The following CTSO variants were observed in gnomAD, a reference collection of about 807,000 sequenced individuals.
CTSO encodes the protein cathepsin O.
In CTSO, 40 loss-of-function variants were observed where a neutral mutation model predicts 42.4. That is an observed-to-expected ratio of 0.94 (90% CI 0.73 to 1.23). The LOEUF (loss-of-function observed/expected upper bound fraction) is 1.23, where lower values mean the gene tolerates loss of function less well. Among genes scored for constraint, CTSO ranks in the 50% most tolerant of loss-of-function variants. The probability of loss-of-function intolerance (pLI) is 0.00; values close to 1 mark genes in which losing one functional copy is unlikely to be tolerated. For synonymous variants in CTSO, 156 were observed against 146.2 expected (o/e 1.07, Z -0.48); for missense variants, 441 against 396.0 (o/e 1.11, Z -0.96).
In CTSO at chr4:155,953,851, G is replaced by T. The variant is rs1445196238; in HGVS notation, c.-4C>A. 1 of 1,277,328 alleles carries T rather than the reference G, an allele frequency of 7.8e-7. No homozygotes were observed. The highest frequency in any genetic ancestry group is 2.9e-4 in the Middle Eastern group (1 of 3,452). The allele number at this position is 1,277,328 out of a possible 1,614,324, so 79.1% of individuals were successfully genotyped here. ...ACGGCAGCGCCCGCACGTCCATTGC[G>T]GCGCCCGGCTCCTCTGCCGCCCGCG... On this transcript the variant is annotated 5_prime_UTR_variant, in exon 1 of 8. Coordinates refer to ENST00000433477, the MANE Select transcript of CTSO (RefSeq NM_001334.3).
chr4:155,949,079 GC>G, intron 1 of CTSO, among the ~76,000 whole-genome samples: 1 of 152,336 alleles, frequency 6.6e-6, no homozygotes, highest in East Asian at 1.9e-4. Context: ...GCCACTGAAT[GC>G]ACTAAATACA....
chr4:155,926,514 C>T (rs1373804393), intron 7 of CTSO, among the ~76,000 whole-genome samples: 2 of 152,146 alleles, frequency 1.3e-5, no homozygotes, highest in African/African-American at 2.4e-5. Flanking sequence ...CACACGAGAA[C>T]ACAGATTGCA....
intron 5 of CTSO, among the ~76,000 whole-genome samples, chr4:155,933,401 G>C (rs1170437003): frequency 6.6e-6 from 1 of 152,002 alleles, no homozygotes; most frequent in Non-Finnish European, 1.5e-5. Flanking sequence ...TCCCAGTCTC[G>C]GGTATGTCTT....
intron 5 of CTSO, 44 bp from the exon 6 acceptor site, chr4:155,929,749 G>C (rs1370873653): frequency 1.3e-6 from 2 of 1,555,760 alleles, no homozygotes; most frequent in Non-Finnish European, 1.7e-6. Context: ...TAGTTTTTAA[G>C]GTAAAAATAA....
chr4:155,941,975 C>G (rs559993967), intron 3 of CTSO, among the ~76,000 whole-genome samples: 1 of 152,094 alleles, frequency 6.6e-6, no homozygotes, highest in South Asian at 2.1e-4. Context: ...AGCCTCTCAT[C>G]TGCTATTGTA....
chr4:155,943,511 C>T, intron 1 of CTSO, among the ~76,000 whole-genome samples: 2 of 152,178 alleles, frequency 1.3e-5, no homozygotes, highest in Middle Eastern at 6.8e-3. Context: ...TTCCCCATCA[C>T]CAGGTTTGTT....
In CTSO at chr4:155,924,195, A is replaced by G. The variant is rs1480973827; in HGVS notation, c.*1841T>C. ...AATCCAGAACAGCAGAAACATATTA[A>G]TCAGTTTGAAATTTTAGAAATCCTT... On this transcript the variant is annotated 3_prime_UTR_variant, in exon 8 of 8. Transcript: ENST00000433477. 3 of 152,248 alleles carry G rather than the reference A, an allele frequency of 2.0e-5. No individual in the cohort carries two copies. Among genetic ancestry groups the G allele is most frequent in the Non-Finnish European group, 4.4e-5 (3 of 68,052 alleles). The allele number at this position is 152,248 out of a possible 1,614,324, so 9.4% of individuals were successfully genotyped here.
intron 1 of CTSO, among the ~76,000 whole-genome samples, chr4:155,952,350 A>G (rs1415779817): frequency 6.6e-6 from 1 of 152,110 alleles, no homozygotes; most frequent in Non-Finnish European, 1.5e-5. Flanking sequence ...TAAATTATCT[A>G]AAATCTAAAT....
At chr4:155,953,601 C>G in intron 1 of CTSO, 112 bp downstream of exon 1, 1 of 1,202,296 alleles carries the variant, frequency 8.3e-7, no homozygotes, top group Non-Finnish European at 1.0e-6. Flanking sequence ...CATCGCAGAG[C>G]CACGGGTGCC....
chr4:155,942,936 G>A (rs1227554533), intron 2 of CTSO, among the ~76,000 whole-genome samples: 2 of 152,158 alleles, frequency 1.3e-5, no homozygotes, highest in South Asian at 2.1e-4. Context: ...ACATGGAAAT[G>A]TGCATAATTA....
At chr4:155,944,576 T>C (rs17314589) in intron 1 of CTSO, among the ~76,000 whole-genome samples, 3,946 of 152,254 alleles carry the variant, frequency 0.026, 77 homozygotes, top group South Asian at 0.071. Context: ...ATGTTAAGAA[T>C]GCACAGGAGA....
chr4:155,946,861 A>T (rs34908244), intron 1 of CTSO, among the ~76,000 whole-genome samples: 135,090 of 151,872 alleles, frequency 0.89, 61,613 homozygotes, highest in East Asian at 1. Flanking sequence ...TAATAATAAT[A>T]ATTATTATTA....
chr4:155,950,168 T>C (rs1743621729), intron 1 of CTSO, among the ~76,000 whole-genome samples: 1 of 152,232 alleles, frequency 6.6e-6, no homozygotes, highest in Non-Finnish European at 1.5e-5. Flanking sequence ...CACAAAAAGA[T>C]TGAATTAAAA....
chr4:155,928,522 A>T (rs1219148737), intron 6 of CTSO, 94 bp from the exon 7 acceptor site: 5 of 829,944 alleles, frequency 6.0e-6, no homozygotes, highest in Non-Finnish European at 9.7e-6. Context: ...CTTGCTAAGG[A>T]TAGTAGCTCT....
At chr4:155,932,096 G>A (rs916324519) in intron 5 of CTSO, among the ~76,000 whole-genome samples, 1 of 152,022 alleles carries the variant, frequency 6.6e-6, no homozygotes, top group Non-Finnish European at 1.5e-5. Flanking sequence ...ATTGTAGTTT[G>A]AGTCCTGAAA....
At chr4:155,933,962 C>A (rs1005660357) in intron 5 of CTSO, among the ~76,000 whole-genome samples, 3 of 152,186 alleles carry the variant, frequency 2.0e-5, no homozygotes, top group Non-Finnish European at 2.9e-5. Context: ...GACATTGAAG[C>A]CAGCTGCAGA....
chr4:155,953,529 A>G (rs7670813), intron 1 of CTSO, among the ~76,000 whole-genome samples, 184 bp downstream of exon 1: 24,206 of 152,262 alleles, frequency 0.16, 2,521 homozygotes, highest in Non-Finnish European at 0.24. Flanking sequence ...GAGTGACACC[A>G]TGGCACAAGG....
chr4:155,944,283 T>G (rs146146430), intron 1 of CTSO, among the ~76,000 whole-genome samples: 81 of 152,312 alleles, frequency 5.3e-4, no homozygotes, highest in African/African-American at 1.9e-3. Flanking sequence ...ATAATCTTAT[T>G]TTTTTTCCTT....
rs753371535 is a variant in CTSO at position 155,929,564 on chromosome 4, G to A, written c.816C>T (p.Leu272=). 2 of 1,613,254 alleles carry A rather than the reference G, an allele frequency of 1.2e-6. No individual in the cohort carries two copies. Among genetic ancestry groups the A allele is most frequent in the South Asian group, 1.1e-5 (1 of 90,826 alleles). The stretch of plus-strand genomic sequence containing the variant: ...TACCTGTTTTATCAAACCCAGTTAT[G>A]AGAACTGCATGATTTGCTTCTCCAC... ...CSSGEANHAV[L]ITGFDKTGST... Residue 272 remains leucine, a synonymous_variant, in exon 6 of 8, where the codon CTC becomes CTT. Transcript: ENST00000433477.
Sources: allele counts gnomAD v4.1 joint callset (sites outside exome capture counted in the v4.1 genomes callset), GRCh38; gene constraint gnomAD v4.1.1; transcripts MANE v1.5; gene names NCBI Gene and HGNC (gene_info 2026-07-23, HGNC 2026-07-21).